The following OPHN1 variants were observed in gnomAD, a reference collection of about 807,000 sequenced individuals.
OPHN1 encodes oligophrenin 1.
Under a neutral mutation model 60.7 loss-of-function variants are expected in OPHN1, and 11 were observed. The ratio of observed to expected loss-of-function variants is 0.18; its 90% confidence interval spans 0.11 to 0.30. The LOEUF is 0.30. Among genes scored for constraint, OPHN1 ranks in the 10% least tolerant of loss-of-function variants. OPHN1 has a pLI of 1.00. For synonymous variants in OPHN1, 226 were observed against 222.6 expected (o/e 1.02, Z -0.14); for missense variants, 449 against 611.0 (o/e 0.73, Z 2.80).
At chrX:68,132,680 C>T (rs1310415110) in intron 15 of OPHN1, among the ~76,000 whole-genome samples, 1 of 99,040 alleles carries the variant, frequency 1.0e-5, no homozygotes, top group Non-Finnish European at 2.0e-5. Context: ...GCACATGTAC[C>T]CTAAAACTTA....
chrX:68,379,186 T>C (rs2078580052), intron 2 of OPHN1, among the ~76,000 whole-genome samples: 2 of 111,078 alleles, frequency 1.8e-5, no homozygotes, highest in African/African-American at 6.5e-5. Context: ...TTTTATTCTC[T>C]TTGAAGCAAT....
At chrX:68,217,763 C>A (rs1291172803) in intron 6 of OPHN1, among the ~76,000 whole-genome samples, 6 of 107,477 alleles carry the variant, frequency 5.6e-5, no homozygotes, top group South Asian at 4.3e-4. Context: ...GACATCCACA[C>A]CAAAAACCCA....
At chrX:68,176,489 C>T (rs894567111) in intron 15 of OPHN1, among the ~76,000 whole-genome samples, 3 of 111,571 alleles carry the variant, frequency 2.7e-5, no homozygotes, top group African/African-American at 9.8e-5. Context: ...CACCTCACAC[C>T]CATTAGAATG....
intron 2 of OPHN1, among the ~76,000 whole-genome samples, chrX:68,418,289 G>C (rs969724925): frequency 9.0e-6 from 1 of 111,415 alleles, no homozygotes; most frequent in Admixed American, 9.6e-5. Flanking sequence ...GCACAATAAG[G>C]CAAGGTCTCT....
chrX:68,068,543 A>G (rs1244499580), intron 20 of OPHN1, among the ~76,000 whole-genome samples: 2 of 108,276 alleles, frequency 1.8e-5, no homozygotes, highest in African/African-American at 3.3e-5. Context: ...AAGTTTTAAT[A>G]TAGACCGACC....
At chrX:68,339,894 C>T (rs1299069754) in intron 2 of OPHN1, among the ~76,000 whole-genome samples, 1 of 112,185 alleles carries the variant, frequency 8.9e-6, no homozygotes, top group Admixed American at 9.6e-5. Flanking sequence ...TGAGCCACTG[C>T]ACCGGGCCAC....
At chrX:68,389,192 A>G (rs746654904) in intron 2 of OPHN1, among the ~76,000 whole-genome samples, 1 of 107,821 alleles carries the variant, frequency 9.3e-6, no homozygotes, top group African/African-American at 3.3e-5. Flanking sequence ...CCTGAGCTCA[A>G]GTGATCCTCT....
intron 5 of OPHN1, among the ~76,000 whole-genome samples, chrX:68,271,458 G>GC (rs2077968605): frequency 9.1e-6 from 1 of 110,369 alleles, no homozygotes; most frequent in South Asian, 3.9e-4. Flanking sequence ...GATCACCTGA[G>GC]CCCAGGGAGG....
intron 2 of OPHN1, among the ~76,000 whole-genome samples, chrX:68,342,396 A>G (rs1284185779): frequency 8.9e-6 from 1 of 111,900 alleles, no homozygotes; most frequent in Admixed American, 9.6e-5. Flanking sequence ...AAATAATCCA[A>G]TGGGAAAAGG....
At chrX:68,161,719 C>T (rs1298646526) in intron 15 of OPHN1, among the ~76,000 whole-genome samples, 1 of 110,849 alleles carries the variant, frequency 9.0e-6, no homozygotes, top group African/African-American at 3.3e-5. Context: ...AATTTCACTA[C>T]TTTATATACC....
intron 5 of OPHN1, among the ~76,000 whole-genome samples, chrX:68,273,351 C>T (rs1484517202): frequency 8.9e-6 from 1 of 111,853 alleles, no homozygotes; most frequent in Admixed American, 9.6e-5. Flanking sequence ...GAAGAAACTA[C>T]CTTTGCTACA....
rs145203026 is a variant in OPHN1 at position 68,329,626 on chromosome X, G to A, written c.155-30530C>T. ...GCAAATGTTCTAAAGAGCTAAATAA[G>A]CCTCTTGCCAGCATGACCACCTAAT... On this transcript the variant is annotated intron_variant, in intron 2 of 24. Coordinates refer to ENST00000355520, the MANE Select transcript of OPHN1 (RefSeq NM_002547.3). Among the ~76,000 whole-genome samples the A allele has an allele frequency of 3.1e-3, 350 of 111,649 alleles. 2 individuals carry two copies. The highest frequency in any genetic ancestry group is 0.011 in the African/African-American group (337 of 30,813).
At chrX:68,166,266 G>C (rs2077357861) in intron 15 of OPHN1, among the ~76,000 whole-genome samples, 1 of 112,476 alleles carries the variant, frequency 8.9e-6, no homozygotes, top group South Asian at 3.7e-4. Context: ...AGGCACGGTG[G>C]CTCACGCCTG....
intron 12 of OPHN1, among the ~76,000 whole-genome samples, chrX:68,195,003 A>AAGG (rs1230407967): frequency 1.5e-4 from 9 of 58,732 alleles, no homozygotes; most frequent in African/African-American, 2.7e-4. Context: ...AGAGAGAAAG[A>AAGG]AAGGAAGGAA....
In OPHN1 at chrX:68,044,331, T is replaced by A. The variant is rs1368866637; in HGVS notation, c.*2841A>T. 3.5e-5 allele frequency: 4 copies of A among 112,746 alleles called. No homozygotes were observed. Among genetic ancestry groups the A allele is most frequent in the African/African-American group, 1.3e-4 (4 of 31,086 alleles). 9.3% of individuals were successfully genotyped at this position (112,746 alleles called of 1,213,427 possible). On this transcript the variant is annotated 3_prime_UTR_variant, in exon 25 of 25. Coordinates refer to ENST00000355520, the MANE Select transcript of OPHN1 (RefSeq NM_002547.3). ...TCAAATCACAGTCCTTTTATTTACT[T>A]TCTATGTGCCCTTGAGTTGTTTACT...
chrX:68,148,915 G>A (rs774454096), intron 15 of OPHN1, among the ~76,000 whole-genome samples: 8 of 111,171 alleles, frequency 7.2e-5, no homozygotes, highest in African/African-American at 2.6e-4. Flanking sequence ...CATCTCTATA[G>A]CAATGTAGAC....
intron 5 of OPHN1, among the ~76,000 whole-genome samples, chrX:68,244,495 G>T (rs1341026608): frequency 2.7e-5 from 3 of 112,057 alleles, no homozygotes; most frequent in Non-Finnish European, 5.6e-5. Flanking sequence ...TACAAGGAAT[G>T]GTGTCAGGTA....
At chrX:68,306,119 A>G (rs1602311806) in intron 2 of OPHN1, among the ~76,000 whole-genome samples, 1 of 112,498 alleles carries the variant, frequency 8.9e-6, no homozygotes, top group Non-Finnish European at 1.9e-5. Context: ...CATATTTCAT[A>G]AGGCCCTTCA....
At chrX:68,224,942 C>T (rs760585786) in intron 6 of OPHN1, among the ~76,000 whole-genome samples, 8 of 112,084 alleles carry the variant, frequency 7.1e-5, no homozygotes, top group Admixed American at 2.8e-4. Context: ...ACCCTGGAAG[C>T]GCAAGGGGTT....
Sources: allele counts gnomAD v4.1 joint callset (sites outside exome capture counted in the v4.1 genomes callset), GRCh38; gene constraint gnomAD v4.1.1; transcripts MANE v1.5; gene names NCBI Gene and HGNC (gene_info 2026-07-23, HGNC 2026-07-21).